CDC42BPB: variants seen among roughly 807,000 people sequenced by gnomAD.
The protein encoded by CDC42BPB is CDC42 binding protein kinase beta, also known as serine/threonine-protein kinase MRCK beta.
CDC42BPB carries 37 observed loss-of-function variants against 214.9 expected under a neutral mutation model. The observed-to-expected ratio is 0.17, with a 90% confidence interval of 0.13 to 0.23. CDC42BPB has a LOEUF of 0.23. CDC42BPB is among the 10% of genes least tolerant of loss of function. The pLI, the probability that CDC42BPB is intolerant of heterozygous loss-of-function variation, is 1.00. For missense variants in CDC42BPB, 1,694 were observed against 2,227.0 expected, an observed-to-expected ratio of 0.76 and a Z score of 4.82; for synonymous variants, 931 against 884.0, an observed-to-expected ratio of 1.05 and a Z score of -0.94.
chr14:102,971,752 T>C (rs911951270), intron 13 of CDC42BPB, among the ~76,000 whole-genome samples, 167 bp downstream of exon 13: 26 of 152,220 alleles, frequency 1.7e-4, no homozygotes, highest in African/African-American at 6.0e-4. Context: ...TTCACCAATA[T>C]TGAGGAATGA....
chr14:102,934,079 A>G, intron 36 of CDC42BPB: 1 of 1,233,264 alleles, frequency 8.1e-7, no homozygotes, highest in Non-Finnish European at 1.0e-6. Context: ...TTATCATTAC[A>G]AAAGACAGCA....
rs768175109 is a variant in CDC42BPB at position 102,983,700 on chromosome 14, C to T, written c.747G>A (p.Gln249=). ...TPDYISPEIL[Q]AMEDGMGKYG... ...ATTTGCCCATGCCGTCCTCCATCGC[C>T]TGCAGGATCTCCGGCGAGATGTAGT... Residue 249 remains glutamine (Q), a synonymous_variant, in exon 7 of 37, where the codon CAG becomes CAA. Transcript: ENST00000361246. 10 of 1,613,896 alleles carry T rather than the reference C, an allele frequency of 6.2e-6. No individual in the cohort carries two copies. The highest frequency in any genetic ancestry group is 1.3e-5 in the African/African-American group (1 of 74,926).
chr14:103,021,395 G>A (rs1886764301), intron 1 of CDC42BPB, among the ~76,000 whole-genome samples: 1 of 151,860 alleles, frequency 6.6e-6, no homozygotes, highest in Middle Eastern at 3.4e-3. Context: ...GAACCTGGGA[G>A]GCGGAGCTTG....
At chr14:102,936,694 C>T (rs902368973) in intron 36 of CDC42BPB, among the ~76,000 whole-genome samples, 4 of 152,202 alleles carry the variant, frequency 2.6e-5, no homozygotes, top group Non-Finnish European at 5.9e-5. Context: ...GATCTCACTA[C>T]ACTGCCCAGG....
rs769470267 is a variant in CDC42BPB at position 102,939,874 on chromosome 14, C to T, written c.4665G>A (p.Arg1555=). 3 of 1,613,974 alleles carry T rather than the reference C, an allele frequency of 1.9e-6. No individual in the cohort carries two copies. Among genetic ancestry groups the T allele is most frequent in the Non-Finnish European group, 2.5e-6 (3 of 1,180,058 alleles). The change falls in exon 33 of 37, where the codon CGG becomes CGA. Residue 1555 remains arginine (R), a synonymous_variant. Coordinates refer to ENST00000361246, the MANE Select transcript of CDC42BPB (RefSeq NM_006035.4). ...KQMLRTRSKR[R]FVFKVPEEER... is the part of the protein sequence containing the mutation. ...CTTCCTCTGGGACCTTGAAGACGAA[C>T]CGCCTTTTGCTCCTGGTGCGCAGCA... is the stretch of plus-strand genomic sequence containing the variant.
Position 102,994,030 on chromosome 14 carries a change from A to G in CDC42BPB, c.596+5535T>C, listed in dbSNP as rs140537220. Among the ~76,000 whole-genome samples, 379 of 152,344 alleles carry G rather than the reference A, an allele frequency of 2.5e-3. 1 individual carries two copies. Among genetic ancestry groups the G allele is most frequent in the African/African-American group, 8.5e-3 (354 of 41,576 alleles). ...ATAACCATAATTTCACATACACACGAAAAATGTCCCAAGTGGCCTGAGACA... is the reference window on the plus strand; with the variant it reads ...ATAACCATAATTTCACATACACACGGAAAATGTCCCAAGTGGCCTGAGACA... On this transcript the variant is annotated intron_variant, in intron 5 of 36. Coordinates refer to ENST00000361246, the MANE Select transcript of CDC42BPB (RefSeq NM_006035.4).
rs144313805 is a variant in CDC42BPB, at chr14:102,974,050, C to A, written c.1607G>T (p.Arg536Leu). Residue 536 changes from arginine to leucine, a missense_variant, in exon 12 of 37, where the codon CGC becomes CTC. Physicochemically the swap from Arg to Leu is moderately radical, Grantham distance 102. Coordinates refer to ENST00000361246, the MANE Select transcript of CDC42BPB (RefSeq NM_006035.4). ...QRLRGLEKQH[R>L]VVRQEKEELH... Reference sequence around the variant, plus strand: ...CTCCTCCTTCTCCTGCCGGACCACGCGGTGCTGCTTCTCCAGCCCCCGCAG... The same window carrying A: ...CTCCTCCTTCTCCTGCCGGACCACGAGGTGCTGCTTCTCCAGCCCCCGCAG... 1.2e-6 allele frequency: 2 copies of A among 1,612,956 alleles called. No homozygotes were observed. Among genetic ancestry groups the A allele is most frequent in the African/African-American group, 1.3e-5 (1 of 74,870 alleles).
chr14:103,033,568 C>T (rs1887509042), intron 1 of CDC42BPB, among the ~76,000 whole-genome samples: 1 of 152,078 alleles, frequency 6.6e-6, no homozygotes, highest in Non-Finnish European at 1.5e-5. Flanking sequence ...AAATTTTAAA[C>T]TTTGAAATTT....
chr14:103,041,146 G>C (rs970238064), intron 1 of CDC42BPB, among the ~76,000 whole-genome samples: 2 of 152,204 alleles, frequency 1.3e-5, no homozygotes, highest in African/African-American at 4.8e-5. Flanking sequence ...AACTGATTCT[G>C]ACAAGGATTC....
At chr14:103,047,279 C>CTA (rs1566926227) in intron 1 of CDC42BPB, among the ~76,000 whole-genome samples, 1 of 93,500 alleles carries the variant, frequency 1.1e-5, no homozygotes. Flanking sequence ...GTAATACTCT[C>CTA]AAAAAAAAAA....
At chr14:103,029,639 G>A (rs768098502) in intron 1 of CDC42BPB, among the ~76,000 whole-genome samples, 3 of 151,366 alleles carry the variant, frequency 2.0e-5, no homozygotes, top group Non-Finnish European at 2.9e-5. Context: ...GGCGGATCAC[G>A]AGGTCAAGAG....
At chr14:103,013,723 C>A (rs1237593974) in intron 1 of CDC42BPB, among the ~76,000 whole-genome samples, 2 of 152,240 alleles carry the variant, frequency 1.3e-5, no homozygotes, top group Non-Finnish European at 2.9e-5. Flanking sequence ...GCATTGCCAG[C>A]ACCCCCAGAA....
chr14:103,015,369 C>T (rs1284507220), intron 1 of CDC42BPB, among the ~76,000 whole-genome samples: 1 of 152,108 alleles, frequency 6.6e-6, no homozygotes, highest in Non-Finnish European at 1.5e-5. Context: ...CGGCTGTAAT[C>T]CCAGCTACTC....
At chr14:102,998,917 G>T (rs1230910282) in intron 5 of CDC42BPB, among the ~76,000 whole-genome samples, 1 of 150,246 alleles carries the variant, frequency 6.7e-6, no homozygotes, top group Admixed American at 6.6e-5. Context: ...TTAGGGAGGG[G>T]GTCTTGGGCG....
chr14:103,056,292 C>T (rs1888944111), intron 1 of CDC42BPB, among the ~76,000 whole-genome samples: 1 of 152,102 alleles, frequency 6.6e-6, no homozygotes, highest in Non-Finnish European at 1.5e-5. Context: ...TCCTCTTGCA[C>T]GGTTTATTTA....
intron 5 of CDC42BPB, among the ~76,000 whole-genome samples, chr14:102,994,343 T>A (rs1050063766): frequency 2.0e-5 from 3 of 151,964 alleles, no homozygotes; most frequent in African/African-American, 7.2e-5. Context: ...CGTATAATTC[T>A]GTATTTAAAA....
intron 2 of CDC42BPB, among the ~76,000 whole-genome samples, chr14:103,010,191 G>A (rs918948994): frequency 1.3e-5 from 2 of 152,304 alleles, no homozygotes; most frequent in African/African-American, 4.8e-5. Context: ...GGAGGCTGAG[G>A]AAGAAGGGTC....
At chr14:102,965,062 AG>A (rs1348685964) in intron 18 of CDC42BPB, among the ~76,000 whole-genome samples, 1 of 152,104 alleles carries the variant, frequency 6.6e-6, no homozygotes, top group East Asian at 1.9e-4. Flanking sequence ...AGTAGCCAGT[AG>A]CTGGGATTAC....
chr14:103,035,020 T>C (rs1163919699), intron 1 of CDC42BPB, among the ~76,000 whole-genome samples: 1 of 151,976 alleles, frequency 6.6e-6, no homozygotes, highest in East Asian at 1.9e-4. Context: ...TATTCAAAAA[T>C]ACCACCATTC....
Sources: gnomAD v4.1 joint callset for allele counts (sites outside exome capture counted in the v4.1 genomes callset) on GRCh38, gnomAD v4.1.1 for gene constraint, MANE v1.5 for transcripts, NCBI Gene and HGNC (gene_info 2026-07-23, HGNC 2026-07-21) for gene names.